The following TEK variants were observed in gnomAD, a reference collection of about 807,000 sequenced individuals.
TEK encodes TEK receptor tyrosine kinase.
TEK carries 43 observed loss-of-function variants against 131.8 expected under a neutral mutation model. The ratio of observed to expected loss-of-function variants is 0.33; its 90% CI spans 0.26 to 0.42. The LOEUF is 0.42. Among genes scored for constraint, TEK ranks in the 10% least tolerant of loss-of-function variants. TEK has a pLI of 1.00. For synonymous variants in TEK, 580 were observed against 491.6 expected (o/e 1.18, Z -2.38); for missense variants, 1,162 against 1,384.4 (o/e 0.84, Z 2.55).
chr9:27,130,473 T>G (rs540012144), intron 1 of TEK, among the ~76,000 whole-genome samples: 12 of 152,234 alleles, frequency 7.9e-5, no homozygotes, highest in African/African-American at 2.9e-4. Context: ...AAGGACTTTT[T>G]AAGTTTAAAA....
At chr9:27,135,579 G>A (rs978152527) in intron 1 of TEK, among the ~76,000 whole-genome samples, 3 of 151,554 alleles carry the variant, frequency 2.0e-5, no homozygotes, top group South Asian at 2.1e-4. Context: ...ATTTTTTTTC[G>A]TATGTATGTA....
At chr9:27,205,104 C>T in intron 14 of TEK, 39 bp downstream of exon 14, 2 of 1,612,646 alleles carry the variant, frequency 1.2e-6, no homozygotes, top group Non-Finnish European at 8.5e-7. Context: ...AAGGGCAAGT[C>T]CAAGTACAGG....
At chr9:27,207,303 A>G (rs1369941546) in intron 15 of TEK, among the ~76,000 whole-genome samples, 4 of 152,194 alleles carry the variant, frequency 2.6e-5, no homozygotes, top group Non-Finnish European at 5.9e-5. Flanking sequence ...TCCTGGGGAC[A>G]CTGTTAGAAA....
chr9:27,149,886 G>T (rs534520095), intron 1 of TEK, among the ~76,000 whole-genome samples: 1 of 152,128 alleles, frequency 6.6e-6, no homozygotes, highest in Non-Finnish European at 1.5e-5. Flanking sequence ...CCCATACCGG[G>T]TATCCTGGTG....
chr9:27,123,236 T>A (rs1821867338), intron 1 of TEK, among the ~76,000 whole-genome samples: 1 of 151,884 alleles, frequency 6.6e-6, no homozygotes, highest in Non-Finnish European at 1.5e-5. Flanking sequence ...GGGAGATGTC[T>A]CACATCCTGG....
chr9:27,189,958 T>C (rs955633808), intron 9 of TEK, among the ~76,000 whole-genome samples: 1 of 152,090 alleles, frequency 6.6e-6, no homozygotes, highest in Admixed American at 6.6e-5. Context: ...CCCCTAAAAA[T>C]CACCATGAAG....
At chr9:27,121,966 G>A (rs75227788) in intron 1 of TEK, among the ~76,000 whole-genome samples, 3,160 of 152,308 alleles carry the variant, frequency 0.021, 118 homozygotes, top group African/African-American at 0.072. Context: ...TCAAAGCACC[G>A]TCACGGATTC....
rs681754 is a variant in TEK at position 27,217,824 on chromosome 9, G to A, written c.3062+66G>A. On this transcript the variant is annotated intron_variant, in intron 19 of 22. Coordinates refer to ENST00000380036, the MANE Select transcript of TEK (RefSeq NM_000459.5). ...CCAGAAACATATACATTTGACAGAG[G>A]TTTTAAAAAGATACAGGAATGTCCT... is the stretch of plus-strand genomic sequence containing the variant. 0.83 allele frequency: 1,172,256 copies of A among 1,408,788 alleles called. 489,488 individuals are homozygous for A. Among genetic ancestry groups the A allele is most frequent in the East Asian group, 1 (43,659 of 43,704 alleles). 87.3% of individuals were successfully genotyped at this position (1,408,788 alleles called of 1,614,324 possible).
chr9:27,115,087 A>G (rs1821497078), intron 1 of TEK, among the ~76,000 whole-genome samples: 1 of 152,226 alleles, frequency 6.6e-6, no homozygotes, highest in African/African-American at 2.4e-5. Flanking sequence ...AAATGTTGTG[A>G]TAAATGATTT....
intron 17 of TEK, 72 bp downstream of exon 17, chr9:27,212,969 G>A (rs1825690007): frequency 4.7e-6 from 7 of 1,502,210 alleles, no homozygotes; most frequent in Admixed American, 1.8e-5. Context: ...CAATATGTTT[G>A]TAGGGTCTGT....
chr9:27,218,681 T>G (rs558805787), intron 19 of TEK, 96 bp from the exon 20 acceptor site: 62 of 1,291,002 alleles, frequency 4.8e-5, no homozygotes, highest in Admixed American at 3.7e-4. Context: ...ACATCTCCTT[T>G]TCTCAGAAAG....
chr9:27,125,354 A>G (rs1425966033), intron 1 of TEK, among the ~76,000 whole-genome samples: 1 of 152,260 alleles, frequency 6.6e-6, no homozygotes, highest in Non-Finnish European at 1.5e-5. Flanking sequence ...ATCAAACAAA[A>G]GACAGTGCTG....
chr9:27,208,216 G>A (rs1272564797), intron 15 of TEK, among the ~76,000 whole-genome samples: 2 of 152,182 alleles, frequency 1.3e-5, no homozygotes, highest in African/African-American at 2.4e-5. Context: ...TGAGGCTTCT[G>A]TAGTATGAAC....
At position 27,134,244 on chromosome 9, in the gene TEK, A is replaced by G. The variant is rs921896228; in HGVS notation, c.53-23587A>G. Among the ~76,000 whole-genome samples the G allele has an allele frequency of 2.6e-5, 4 of 152,344 alleles. No homozygotes were observed. The East Asian group carries it at 7.7e-4, about 29-fold the overall frequency. ...GTAGATGAACTGTTACTGTATTCATATTAACATTGTATGTACTTGGATTAG... is the reference window on the plus strand; with the variant it reads ...GTAGATGAACTGTTACTGTATTCATGTTAACATTGTATGTACTTGGATTAG... On this transcript the variant is annotated intron_variant, in intron 1 of 22. Coordinates refer to ENST00000380036, the MANE Select transcript of TEK (RefSeq NM_000459.5).
chr9:27,187,183 G>A lies in TEK; in HGVS notation c.1327+1554G>A, dbSNP rs530695770. On this transcript the variant is annotated intron_variant, in intron 9 of 22. Transcript: ENST00000380036. ...TTTTTAGTTTGTAGTGAAAGACACGGCACACAACATCAATGTGTAGAAGCT... is the reference window on the plus strand; with the variant it reads ...TTTTTAGTTTGTAGTGAAAGACACGACACACAACATCAATGTGTAGAAGCT... 2.0e-5 allele frequency among the ~76,000 whole-genome samples: 3 copies of A among 152,276 alleles called. No homozygotes were observed. The South Asian group carries it at 6.2e-4, about 32-fold the overall frequency.
At chr9:27,208,966 C>T (rs1228024340) in intron 15 of TEK, among the ~76,000 whole-genome samples, 155 bp from the exon 16 acceptor site, 6 of 152,176 alleles carry the variant, frequency 3.9e-5, no homozygotes. Context: ...GTCAATAGTG[C>T]CAAGGCCGAG....
At position 27,192,521 on chromosome 9, in the gene TEK, G is replaced by A; in HGVS notation, c.1522G>A (p.Glu508Lys). 6.2e-7 allele frequency: 1 copy of A among 1,613,970 alleles called. No homozygotes were observed. Among genetic ancestry groups the A allele is most frequent in the Non-Finnish European group, 8.5e-7 (1 of 1,179,950 alleles). ...TNEIVTLNYL[E>K]PRTEYELCVQ... is the part of the protein sequence containing the mutation. ...TGAGATTGTTACACTCAACTATTTGGAACCTCGGACAGAATATGAACTCTG... is the reference window on the plus strand; with the variant it reads ...TGAGATTGTTACACTCAACTATTTGAAACCTCGGACAGAATATGAACTCTG... Residue 508 changes from glutamate to lysine, a missense_variant, in exon 11 of 23, where the codon GAA (glutamate) becomes AAA (lysine). Physicochemically the swap from Glu to Lys is moderately conservative, Grantham distance 56. This residue lies in a region of TEK where 477 missense variants were observed against 471.0 expected (regional missense o/e 1.01). Coordinates refer to ENST00000380036, the MANE Select transcript of TEK (RefSeq NM_000459.5).
At chr9:27,217,444 G>A (rs1036791536) in intron 18 of TEK, among the ~76,000 whole-genome samples, 2 of 152,150 alleles carry the variant, frequency 1.3e-5, no homozygotes, top group African/African-American at 4.8e-5. Context: ...AGGAATGACC[G>A]ACTACCATGC....
At chr9:27,206,824 C>A (rs75966213) in intron 15 of TEK, 32 bp downstream of exon 15, 1 of 1,605,280 alleles carries the variant, frequency 6.2e-7, no homozygotes, top group South Asian at 1.1e-5. Context: ...GTCAGCATTG[C>A]GTGAGGGTGT....
Sources: gnomAD v4.1 joint callset for allele counts (sites outside exome capture counted in the v4.1 genomes callset) on GRCh38, gnomAD v4.1.1 for gene constraint, gnomAD v4.1.1 regional missense constraint, MANE v1.5 for transcripts, NCBI Gene and HGNC (gene_info 2026-07-23, HGNC 2026-07-21) for gene names.